Variants in CUX2 observed in about 807,000 individuals in gnomAD.
CUX2 encodes homeobox protein cut-like 2.
Under a neutral mutation model 144.8 loss-of-function variants are expected in CUX2, and 40 were observed. That is an observed-to-expected ratio of 0.28 (90% CI 0.21 to 0.36). CUX2 has a LOEUF of 0.36. Ranked by LOEUF, CUX2 falls within the 10% of genes least tolerant of loss-of-function variation. CUX2 has a pLI of 1.00. For missense variants in CUX2, 1,615 were observed against 1,994.0 expected, an observed-to-expected ratio of 0.81 and a Z score of 3.62; for synonymous variants, 827 against 875.6, an observed-to-expected ratio of 0.94 and a Z score of 0.98.
intron 4 of CUX2, among the ~76,000 whole-genome samples, chr12:111,283,275 G>A (rs1885211931): frequency 6.6e-6 from 1 of 152,010 alleles, no homozygotes; most frequent in South Asian, 2.1e-4. Context: ...TAGGCCTTCA[G>A]GATGTGGGTC....
intron 1 of CUX2, among the ~76,000 whole-genome samples, chr12:111,062,154 C>T (rs895144007): frequency 3.2e-4 from 49 of 152,250 alleles, no homozygotes; most frequent in African/African-American, 1.0e-3. Flanking sequence ...TTAATCCTTG[C>T]GGAATGAATG....
chr12:111,302,071 C>T (rs939483101), intron 9 of CUX2, among the ~76,000 whole-genome samples: 3 of 152,182 alleles, frequency 2.0e-5, no homozygotes, highest in Non-Finnish European at 2.9e-5. Context: ...ACAAAATTGA[C>T]TTGAACCATT....
chr12:111,067,391 G>T (rs913174303), intron 1 of CUX2, among the ~76,000 whole-genome samples: 1 of 152,222 alleles, frequency 6.6e-6, no homozygotes, highest in African/African-American at 2.4e-5. Context: ...CCGCCTGGAG[G>T]CAGGGTTTCA....
chr12:111,170,582 G>A (rs146344257), intron 1 of CUX2, among the ~76,000 whole-genome samples: 1 of 113,564 alleles, frequency 8.8e-6, no homozygotes, highest in Non-Finnish European at 1.7e-5. Context: ...GAGACGGTGT[G>A]TCACTCTGTC....
At chr12:111,043,257 A>T (rs1320303226) in intron 1 of CUX2, among the ~76,000 whole-genome samples, 1 of 152,074 alleles carries the variant, frequency 6.6e-6, no homozygotes, top group Non-Finnish European at 1.5e-5. Context: ...ATGGCAAAGG[A>T]ATTGCCTGGG....
intron 4 of CUX2, among the ~76,000 whole-genome samples, chr12:111,278,681 C>T (rs1361865827): frequency 6.6e-6 from 1 of 152,216 alleles, no homozygotes; most frequent in African/African-American, 2.4e-5. Context: ...ACAAGATTCC[C>T]TTGGTGTTCC....
intron 1 of CUX2, among the ~76,000 whole-genome samples, chr12:111,211,822 G>C (rs112580786): frequency 0.06 from 9,102 of 151,592 alleles, 296 homozygotes; most frequent in South Asian, 0.11. Flanking sequence ...GGGAGGCGGA[G>C]CTTGCAGTGA....
chr12:111,085,524 C>A (rs1872157396), intron 1 of CUX2, among the ~76,000 whole-genome samples: 1 of 152,140 alleles, frequency 6.6e-6, no homozygotes, highest in African/African-American at 2.4e-5. Flanking sequence ...GAGATAAGGC[C>A]AAAGGAATTC....
intron 1 of CUX2, among the ~76,000 whole-genome samples, chr12:111,080,284 C>T (rs7953513): frequency 0.083 from 12,659 of 152,170 alleles, 1,760 homozygotes; most frequent in African/African-American, 0.29. Flanking sequence ...TCACTTCCCT[C>T]CCCTGCTGTA....
At chr12:111,251,312 C>T (rs981207478) in intron 3 of CUX2, among the ~76,000 whole-genome samples, 1 of 152,044 alleles carries the variant, frequency 6.6e-6, no homozygotes, top group Non-Finnish European at 1.5e-5. Context: ...GTTTTTCCCC[C>T]AGAAGAGAGA....
chr12:111,203,642 C>G (rs1283119103), intron 1 of CUX2, among the ~76,000 whole-genome samples: 1 of 151,932 alleles, frequency 6.6e-6, no homozygotes, highest in Non-Finnish European at 1.5e-5. Flanking sequence ...AAGCCCAACA[C>G]GAATCATATG....
chr12:111,250,858 A>G (rs1223790604), intron 3 of CUX2, among the ~76,000 whole-genome samples: 1 of 152,214 alleles, frequency 6.6e-6, no homozygotes, highest in South Asian at 2.1e-4. Context: ...CCCAGAGCCC[A>G]TGAAAGTGGA....
intron 1 of CUX2, among the ~76,000 whole-genome samples, chr12:111,106,999 T>C (rs1873650358): frequency 6.6e-6 from 1 of 152,184 alleles, no homozygotes; most frequent in African/African-American, 2.4e-5. Context: ...GGTGGCAAGA[T>C]TGTTGCATTT....
chr12:111,324,080 A>G (rs754276194), intron 18 of CUX2, among the ~76,000 whole-genome samples: 44 of 151,358 alleles, frequency 2.9e-4, no homozygotes, highest in Admixed American at 6.6e-4. Context: ...GCCGGGTGTG[A>G]TGGCTCACAC....
rs191613405 is a variant in CUX2 at position 111,274,836 on chromosome 12, C to T, written c.301+10997C>T. Among the ~76,000 whole-genome samples the T allele has an allele frequency of 1.0e-3, 154 of 152,206 alleles. 3 individuals are homozygous for T. Among genetic ancestry groups the T allele is most frequent in the African/African-American group, 3.6e-3 (149 of 41,522 alleles). ...ATAAATGTGTTTCTAAACAGCCTCT[C>T]GGACAGCCTTTCCGGCTCTGTGTTT... On this transcript the variant is annotated intron_variant, in intron 4 of 21. Coordinates refer to ENST00000261726, the MANE Select transcript of CUX2 (RefSeq NM_015267.4).
intron 1 of CUX2, among the ~76,000 whole-genome samples, chr12:111,144,880 CTG>C (rs1460794805): frequency 6.6e-6 from 1 of 152,154 alleles, no homozygotes; most frequent in African/African-American, 2.4e-5. Context: ...TCTCTTGTCA[CTG>C]GGTCAGGCTG....
intron 1 of CUX2, among the ~76,000 whole-genome samples, chr12:111,207,444 T>C (rs1880981264): frequency 6.6e-6 from 1 of 152,186 alleles, no homozygotes; most frequent in Admixed American, 6.5e-5. Flanking sequence ...AATGCATTGA[T>C]GGACGAGTGG....
intron 1 of CUX2, among the ~76,000 whole-genome samples, chr12:111,175,445 G>A (rs897663617): frequency 2.7e-5 from 4 of 148,902 alleles, no homozygotes; most frequent in African/African-American, 7.5e-5. Flanking sequence ...GAAACCAGCC[G>A]ACATTTAAAT....
At chr12:111,116,886 G>T (rs977546018) in intron 1 of CUX2, among the ~76,000 whole-genome samples, 2 of 152,146 alleles carry the variant, frequency 1.3e-5, no homozygotes, top group Non-Finnish European at 2.9e-5. Context: ...GAACATTCTG[G>T]TAAAGCAAGG....
Sources: allele counts gnomAD v4.1 joint callset (sites outside exome capture counted in the v4.1 genomes callset), GRCh38; gene constraint gnomAD v4.1.1; transcripts MANE v1.5; gene names NCBI Gene and HGNC (gene_info 2026-07-23, HGNC 2026-07-21).